BTBD3: variants seen among roughly 807,000 people sequenced by gnomAD.
The protein encoded by BTBD3 is BTB/POZ domain-containing protein 3.
A neutral mutation model predicts 41.6 loss-of-function variants in BTBD3; 14 were observed. The ratio of observed to expected loss-of-function variants is 0.34; its 90% CI spans 0.22 to 0.53. BTBD3 has a LOEUF of 0.53. Ranked by LOEUF, BTBD3 falls within the 20% of genes least tolerant of loss-of-function variation. BTBD3 has a pLI of 0.95. For synonymous variants in BTBD3, 249 were observed against 233.7 expected, an observed-to-expected ratio of 1.07 and a Z score of -0.60; for missense variants, 426 against 654.7, an observed-to-expected ratio of 0.65 and a Z score of 3.81.
upstream of BTBD3, among the ~76,000 whole-genome samples, chr20:11,915,304 T>C (rs1172352342): frequency 2.0e-5 from 3 of 152,162 alleles, no homozygotes; most frequent in East Asian, 1.9e-4. Flanking sequence ...AATTTGACAT[T>C]TGGGGCCTAA....
At position 11,925,268 on chromosome 20, in the gene BTBD3, C is replaced by T. The variant is rs1377342859; in HGVS notation, c.*1602C>T. 6.5e-6 allele frequency: 1 copy of T among 152,726 alleles called. No individual in the cohort carries two copies. Among genetic ancestry groups the T allele is most frequent in the African/African-American group, 2.4e-5 (1 of 41,454 alleles). The allele number at this position is 152,726 out of a possible 1,614,324, so 9.5% of individuals were successfully genotyped here. ...AGCTCAGGAGCTGTCTCCTCTCTAC[C>T]TGGCTAGTAAGAGGTGGGACAGTAA... On this transcript the variant is annotated 3_prime_UTR_variant, in exon 4 of 4. Coordinates refer to ENST00000378226, the MANE Select transcript of BTBD3 (RefSeq NM_014962.4).
At chr20:11,917,785 T>C (rs929407601), upstream of BTBD3, 1 of 265,564 alleles carries the variant, frequency 3.8e-6, no homozygotes, top group Non-Finnish European at 5.8e-6. Context: ...TAGGTGTCAC[T>C]GTTTTGCTTG....
intron 1 of BTBD3, among the ~76,000 whole-genome samples, chr20:11,891,874 T>G (rs2056756802): frequency 1.3e-5 from 2 of 152,124 alleles, no homozygotes; most frequent in Non-Finnish European, 2.9e-5. Context: ...CGCCAAATCC[T>G]GTAATACAGT....
chr20:11,923,496 T>C lies in BTBD3; in HGVS notation c.1399T>C (p.Tyr467His). 1.2e-6 allele frequency: 2 copies of C among 1,614,212 alleles called. No individual in the cohort carries two copies. The highest frequency in any genetic ancestry group is 2.2e-5 in the South Asian group (2 of 91,082). Residue 467 changes from tyrosine to histidine, a missense_variant, in exon 4 of 4, where the codon TAC (tyrosine) becomes CAC (histidine). Physicochemically the swap from Tyr to His is moderately conservative, Grantham distance 83. Coordinates refer to ENST00000378226, the MANE Select transcript of BTBD3 (RefSeq NM_014962.4). This position sits in a 1 kb window ranked among gnomAD's most constrained non-coding sequence, Gnocchi z 5.3. ...YPVQIEPDTF[Y>H]TASVILDGNE... ...AGTGCAGATCGAGCCAGACACCTTCTACACAGCCAGTGTGATACTGGATGG... is the reference window on the plus strand; with the variant it reads ...AGTGCAGATCGAGCCAGACACCTTCCACACAGCCAGTGTGATACTGGATGG...
upstream of BTBD3, among the ~76,000 whole-genome samples, chr20:11,914,626 A>G (rs570728718): frequency 4.0e-4 from 61 of 151,960 alleles, no homozygotes; most frequent in Non-Finnish European, 7.4e-4. Context: ...AAGTATAATA[A>G]TAATAAAATA....
chr20:11,894,070 G>A (rs1318320432), intron 1 of BTBD3, among the ~76,000 whole-genome samples: 1 of 152,166 alleles, frequency 6.6e-6, no homozygotes, highest in Admixed American at 6.5e-5. Flanking sequence ...ATCCTAGCAC[G>A]GCCACTTCCT....
chr20:11,914,823 G>GT (rs2056908615), upstream of BTBD3, among the ~76,000 whole-genome samples: 1 of 152,048 alleles, frequency 6.6e-6, no homozygotes, highest in African/African-American at 2.4e-5. Context: ...AGTAGGTTTT[G>GT]TTTTTTGAGC....
intron 1 of BTBD3, among the ~76,000 whole-genome samples, chr20:11,893,689 TAAA>T (rs897280848): frequency 6.6e-6 from 1 of 152,012 alleles, no homozygotes; most frequent in African/African-American, 2.4e-5. Context: ...AAAAATTAAA[TAAA>T]AAAATATTTC....
intron 2 of BTBD3, chr20:11,919,467 T>C (rs1600245429): frequency 1.4e-6 from 2 of 1,380,236 alleles, no homozygotes; most frequent in East Asian, 2.5e-5. Context: ...AAATTAGTTA[T>C]GTAAGCTATT....
Position 11,918,238 on chromosome 20 carries a change from T to C in BTBD3, c.-38T>C. ...TCTTTTCCTTGATGTTCAAACCAAT[T>C]TGGGATATCTAACTCTAAAGAGAGA... On this transcript the variant is annotated 5_prime_UTR_variant, in exon 1 of 4. Coordinates refer to ENST00000378226, the MANE Select transcript of BTBD3 (RefSeq NM_014962.4). 6.6e-7 allele frequency: 1 copy of C among 1,514,664 alleles called. No homozygotes were observed. Among genetic ancestry groups the C allele is most frequent in the Non-Finnish European group, 8.8e-7 (1 of 1,140,374 alleles). The allele number at this position is 1,514,664 out of a possible 1,614,324, so 93.8% of individuals were successfully genotyped here.
chr20:11,914,102 G>T (rs1248636813), upstream of BTBD3, among the ~76,000 whole-genome samples: 1 of 152,202 alleles, frequency 6.6e-6, no homozygotes, highest in Non-Finnish European at 1.5e-5. Flanking sequence ...TTCAGGAAGT[G>T]TAGAAACAAG....
chr20:11,920,860 A>G (rs1350335432), intron 3 of BTBD3, among the ~76,000 whole-genome samples: 1 of 152,218 alleles, frequency 6.6e-6, no homozygotes, highest in Admixed American at 6.5e-5. Flanking sequence ...GTCTTCTGAA[A>G]AATAAGTACT....
intron 1 of BTBD3, among the ~76,000 whole-genome samples, chr20:11,899,454 A>C (rs1600228552): frequency 6.6e-6 from 1 of 152,168 alleles, no homozygotes; most frequent in African/African-American, 2.4e-5. Flanking sequence ...AAATCTGAGA[A>C]GTGGATGAGC....
At chr20:11,909,008 G>A (rs142416740) in intron 1 of BTBD3, among the ~76,000 whole-genome samples, 1 of 152,184 alleles carries the variant, frequency 6.6e-6, no homozygotes, top group East Asian at 1.9e-4. Context: ...AGTACTTTGG[G>A]AGGCCTAGGC....
In BTBD3 at chr20:11,922,824, C is replaced by A; in HGVS notation, c.727C>A (p.Arg243Ser). 1.2e-6 allele frequency: 2 copies of A among 1,614,220 alleles called. No homozygotes were observed. Among genetic ancestry groups the A allele is most frequent in the Non-Finnish European group, 1.7e-6 (2 of 1,180,040 alleles). ...CLFEEPDLTQ[R>S]CWEVIDAQAE... is the part of the protein sequence containing the mutation. ...GTTCGAGGAGCCAGACCTGACCCAGCGTTGCTGGGAGGTGATTGATGCCCA... is the reference window on the plus strand; with the variant it reads ...GTTCGAGGAGCCAGACCTGACCCAGAGTTGCTGGGAGGTGATTGATGCCCA... The change falls in exon 4 of 4, where the codon CGT (arginine) becomes AGT (serine). Residue 243 changes from arginine (R) to serine (S), a missense_variant. Physicochemically the swap from Arg to Ser is moderately radical, Grantham distance 110. Transcript: ENST00000378226.
At chr20:11,909,302 T>C (rs2056875713) in intron 1 of BTBD3, 1 of 149,712 alleles carries the variant, frequency 6.7e-6, no homozygotes. Flanking sequence ...TAGCATAAAA[T>C]GTATCTTTTA....
Position 11,923,123 on chromosome 20 carries a change from C to T in BTBD3, c.1026C>T (p.Leu342=), listed in dbSNP as rs748246689. The T allele has an allele frequency of 6.8e-6, 11 of 1,613,986 alleles. No individual in the cohort carries two copies. Among genetic ancestry groups the T allele is most frequent in the South Asian group, 2.2e-5 (2 of 91,092 alleles). The change falls in exon 4 of 4, where the codon CTC becomes CTT. Residue 342 remains leucine, a synonymous_variant. Coordinates refer to ENST00000378226, the MANE Select transcript of BTBD3 (RefSeq NM_014962.4). This position sits in a 1 kb window ranked among gnomAD's most constrained non-coding sequence, Gnocchi z 5.3. ...NGAAQSGVLT[L]NETNDIFLWY... The stretch of plus-strand genomic sequence containing the variant: ...CTGCACAGTCCGGGGTATTAACTCT[C>T]AATGAGACCAACGACATCTTCCTCT...
intron 1 of BTBD3, among the ~76,000 whole-genome samples, chr20:11,898,099 A>T (rs2056799174): frequency 6.6e-6 from 1 of 152,292 alleles, no homozygotes; most frequent in Middle Eastern, 3.4e-3. Context: ...CGGAGGTTGC[A>T]TGCAGTGAGC....
rs776993048 is a variant in BTBD3 at position 11,918,555 on chromosome 20, A to G, written c.280A>G (p.Ile94Val). The G allele has an allele frequency of 3.1e-6, 5 of 1,613,180 alleles. No homozygotes were observed. In the Admixed American group the frequency reaches 8.4e-5, roughly 27 times the overall value. ...GCAGAATCTCAGTAACAACAACCTT[A>G]TCCCGGCCCCAAACTGGCAGGGTCT... The part of the protein sequence containing the change: ...HQQNLSNNNL[I>V]PAPNWQGLYP... The change falls in exon 1 of 4, where the codon ATC becomes GTC. Residue 94 changes from isoleucine to valine, a missense_variant. Around this residue, in one of 3 missense-constraint regions of BTBD3, gnomAD observed 52 missense variants for 45.1 expected, o/e 1.15. Coordinates refer to ENST00000378226, the MANE Select transcript of BTBD3 (RefSeq NM_014962.4).
Sources: allele counts gnomAD v4.1 joint callset (sites outside exome capture counted in the v4.1 genomes callset), GRCh38; gene constraint gnomAD v4.1.1; regional missense constraint gnomAD v4.1.1; non-coding constraint Gnocchi (gnomAD v3.1); transcripts MANE v1.5; gene names NCBI Gene and HGNC (gene_info 2026-07-23, HGNC 2026-07-21).